Variants in CSMD1 observed in about 807,000 individuals in gnomAD.
The protein encoded by CSMD1 is CUB and Sushi multiple domains 1, also known as CUB and sushi domain-containing protein 1.
CSMD1 carries 213 observed loss-of-function variants against 417.5 expected under a neutral mutation model. The ratio of observed to expected loss-of-function variants is 0.51; its 90% CI spans 0.46 to 0.57. The LOEUF is 0.57. CSMD1 is among the 20% of genes least tolerant of loss of function. CSMD1 has a pLI of 0.00. For synonymous variants in CSMD1, 2,862 were observed against 1,736.8 expected (o/e 1.65, Z -16.11); for missense variants, 6,923 against 4,529.7 (o/e 1.53, Z -15.17).
chr8:3,263,139 T>A (rs1230795807), intron 26 of CSMD1, among the ~76,000 whole-genome samples: 1 of 152,184 alleles, frequency 6.6e-6, no homozygotes, highest in Non-Finnish European at 1.5e-5. Flanking sequence ...CACTTTGTTG[T>A]CCAGGCTGGA....
intron 2 of CSMD1, among the ~76,000 whole-genome samples, chr8:4,620,799 G>C (rs1010983708): frequency 2.6e-5 from 4 of 151,648 alleles, no homozygotes; most frequent in African/African-American, 9.7e-5. Context: ...AAAAAAGAGA[G>C]AGCCAAATTA....
At chr8:3,413,355 T>C (rs1237398675) in intron 12 of CSMD1, among the ~76,000 whole-genome samples, 1 of 152,192 alleles carries the variant, frequency 6.6e-6, no homozygotes. Context: ...CTGCTTTCCA[T>C]GCTGAGGATC....
Position 3,255,108 on chromosome 8 carries a change from C to T in CSMD1, c.4154-24877G>A, listed in dbSNP as rs552331979. Among the ~76,000 whole-genome samples, 62 of 152,278 alleles carry T rather than the reference C, an allele frequency of 4.1e-4. No individual in the cohort carries two copies. The South Asian group carries it at 7.3e-3, about 18-fold the overall frequency. ...TGTAACAGTCAGGACCCTCAGCTGC[C>T]GGTCTCTTGGAGTTTGCGGAGGTCC... On this transcript the variant is annotated intron_variant, in intron 26 of 69. Coordinates refer to ENST00000635120, the MANE Select transcript of CSMD1 (RefSeq NM_033225.6).
chr8:3,253,209 A>T (rs1407885012), intron 26 of CSMD1, among the ~76,000 whole-genome samples: 4 of 151,864 alleles, frequency 2.6e-5, no homozygotes, highest in African/African-American at 9.7e-5. Flanking sequence ...TATGTGTCCC[A>T]GAGATTCTGG....
intron 1 of CSMD1, among the ~76,000 whole-genome samples, chr8:4,914,347 C>T (rs1346465329): frequency 6.6e-6 from 1 of 152,062 alleles, no homozygotes; most frequent in Admixed American, 6.5e-5. Context: ...GAGACTGAGG[C>T]AGGCAGATCA....
chr8:3,828,613 C>T (rs1289622373), intron 5 of CSMD1, among the ~76,000 whole-genome samples: 2 of 152,138 alleles, frequency 1.3e-5, no homozygotes, highest in South Asian at 4.1e-4. Context: ...TCCATTTCTT[C>T]CTGTCCCAAT....
intron 3 of CSMD1, among the ~76,000 whole-genome samples, chr8:4,191,742 T>TA (rs1200675023): frequency 4.6e-5 from 2 of 43,494 alleles, no homozygotes; most frequent in Non-Finnish European, 9.6e-5. Flanking sequence ...GGAAGGTCAT[T>TA]CCAAAAAAAA....
chr8:3,122,089 G>C (rs1033874971), intron 41 of CSMD1, among the ~76,000 whole-genome samples: 3 of 152,022 alleles, frequency 2.0e-5, no homozygotes, highest in Non-Finnish European at 4.4e-5. Flanking sequence ...ATTAGAAACA[G>C]TGTTTGAAAA....
At chr8:4,046,508 G>A (rs922041778) in intron 3 of CSMD1, among the ~76,000 whole-genome samples, 13 of 152,130 alleles carry the variant, frequency 8.5e-5, no homozygotes, top group African/African-American at 3.1e-4. Flanking sequence ...ATGTTTTGTG[G>A]TTGCTGTTGC....
intron 25 of CSMD1, among the ~76,000 whole-genome samples, chr8:3,285,450 G>T (rs558712684): frequency 1.1e-4 from 17 of 150,642 alleles, no homozygotes; most frequent in African/African-American, 3.9e-4. Context: ...GCAGTGTCAT[G>T]ATCTTGGCTC....
intron 3 of CSMD1, among the ~76,000 whole-genome samples, chr8:4,349,970 T>C (rs757091773): frequency 1.3e-5 from 2 of 152,120 alleles, no homozygotes; most frequent in Non-Finnish European, 2.9e-5. Context: ...GCTGTAGACT[T>C]AAGGGATCCA....
chr8:3,690,271 A>T (rs1249766659), intron 7 of CSMD1, among the ~76,000 whole-genome samples: 1 of 152,192 alleles, frequency 6.6e-6, no homozygotes, highest in Non-Finnish European at 1.5e-5. Flanking sequence ...CTGAGTCAGA[A>T]GGATCGTTTG....
chr8:3,310,632 C>T (rs1161294391), intron 23 of CSMD1, among the ~76,000 whole-genome samples: 4 of 152,182 alleles, frequency 2.6e-5, no homozygotes, highest in Non-Finnish European at 4.4e-5. Context: ...CTTTTGAGTT[C>T]AGCATCTATC....
chr8:4,261,255 A>G (rs553878310), intron 3 of CSMD1, among the ~76,000 whole-genome samples: 23 of 152,316 alleles, frequency 1.5e-4, no homozygotes, highest in Admixed American at 5.9e-4. Context: ...ACTCAAAAAG[A>G]ACGCCTGTTT....
intron 2 of CSMD1, among the ~76,000 whole-genome samples, chr8:4,481,010 C>G (rs1034416939): frequency 6.6e-6 from 1 of 152,174 alleles, no homozygotes; most frequent in Non-Finnish European, 1.5e-5. Context: ...CACAATAAAA[C>G]AGCTATTTGT....
In CSMD1 at chr8:3,721,979, C is replaced by G. The variant is rs975567672; in HGVS notation, c.932-13488G>C. Among the ~76,000 whole-genome samples the G allele has an allele frequency of 8.5e-5, 13 of 152,148 alleles. 1 individual carries two copies. Among genetic ancestry groups the G allele is most frequent in the Non-Finnish European group, 1.8e-4 (12 of 68,042 alleles). ...CCTCATCCCTCACCTCCTGCTGTCC[C>G]CAAGCCCCCCACAAGCCAGTACACA... On this transcript the variant is annotated intron_variant, in intron 6 of 69. Transcript: ENST00000635120.
intron 41 of CSMD1, 143 bp downstream of exon 41, chr8:3,142,322 A>G: frequency 4.0e-6 from 3 of 752,390 alleles, no homozygotes; most frequent in Non-Finnish European, 6.5e-6. Context: ...GTGTTCCACT[A>G]CTAACCAGAA....
In CSMD1 at chr8:4,918,744, C is replaced by G. The variant is rs551967209; in HGVS notation, c.85+75588G>C. Among the ~76,000 whole-genome samples the G allele has an allele frequency of 2.6e-5, 4 of 152,184 alleles. 1 individual carries two copies. The highest frequency in any genetic ancestry group is 9.6e-5 in the African/African-American group (4 of 41,526). ...CCAAGAACTTTCCAGTAATTAATTT[C>G]CACACATATATGCAGGTATGTGCAT... is the stretch of plus-strand genomic sequence containing the variant. On this transcript the variant is annotated intron_variant, in intron 1 of 69. Transcript: ENST00000635120.
intron 7 of CSMD1, among the ~76,000 whole-genome samples, chr8:3,640,212 T>G (rs968823457): frequency 1.3e-5 from 2 of 152,190 alleles, no homozygotes; most frequent in East Asian, 1.9e-4. Flanking sequence ...TGGGGAGGCA[T>G]CAATGTGCTG....
Sources: allele counts gnomAD v4.1 joint callset (sites outside exome capture counted in the v4.1 genomes callset), GRCh38; gene constraint gnomAD v4.1.1; transcripts MANE v1.5; gene names NCBI Gene and HGNC (gene_info 2026-07-23, HGNC 2026-07-21).